Variants in SORCS1 observed in about 807,000 individuals in gnomAD.
The protein encoded by SORCS1 is VPS10 domain-containing receptor SorCS1.
In SORCS1, 60 loss-of-function variants were observed where a neutral mutation model predicts 146.1. That is an observed-to-expected ratio of 0.41 (90% CI 0.33 to 0.51). SORCS1 has a LOEUF of 0.51. Among genes scored for constraint, SORCS1 ranks in the 20% least tolerant of loss-of-function variants. The pLI, the probability that SORCS1 is intolerant of heterozygous loss-of-function variation, is 0.21. For missense variants in SORCS1, 1,352 were observed against 1,487.6 expected (o/e 0.91, Z 1.50); for synonymous variants, 637 against 584.0 (o/e 1.09, Z -1.31).
At chr10:107,000,649 C>T (rs1957180907) in intron 1 of SORCS1, among the ~76,000 whole-genome samples, 2 of 151,220 alleles carry the variant, frequency 1.3e-5, no homozygotes, top group Admixed American at 1.3e-4. Flanking sequence ...ACCTGAATTT[C>T]TGTATGCTTC....
intron 3 of SORCS1, among the ~76,000 whole-genome samples, chr10:106,787,322 T>C (rs547520955): frequency 2.0e-5 from 3 of 152,284 alleles, no homozygotes; most frequent in East Asian, 3.9e-4. Flanking sequence ...ATAAACCTAA[T>C]GATTTTCAGG....
intron 1 of SORCS1, among the ~76,000 whole-genome samples, chr10:107,001,622 C>T (rs1330725553): frequency 2.0e-5 from 3 of 152,174 alleles, no homozygotes; most frequent in African/African-American, 7.2e-5. Context: ...TGCCACCACA[C>T]CCAGCTAATT....
At chr10:107,051,991 G>A (rs1009124477) in intron 1 of SORCS1, among the ~76,000 whole-genome samples, 1 of 152,100 alleles carries the variant, frequency 6.6e-6, no homozygotes, top group Admixed American at 6.6e-5. Flanking sequence ...GAACTGTTTT[G>A]CAAAGTCACC....
intron 3 of SORCS1, among the ~76,000 whole-genome samples, chr10:106,796,273 A>T (rs368447190): frequency 6.6e-6 from 1 of 152,180 alleles, no homozygotes; most frequent in Non-Finnish European, 1.5e-5. Context: ...ATCAAGGTAA[A>T]CCTAGGGTGC....
At chr10:106,600,370 C>T in intron 23 of SORCS1, 2 of 976,626 alleles carry the variant, frequency 2.0e-6, no homozygotes, top group Non-Finnish European at 2.4e-6. Flanking sequence ...CATCAAAGGA[C>T]ATTCAACAAT....
rs143035452 is a variant in SORCS1 at position 106,977,072 on chromosome 10, G to A, written c.559-20492C>T. On this transcript the variant is annotated intron_variant, in intron 1 of 25. Transcript: ENST00000263054. Reference sequence around the variant, plus strand: ...ATATACCCAGTAACAAGATTGCTGGGCCAAATTATTTCTGGTTTCTAGATC... The same window carrying A: ...ATATACCCAGTAACAAGATTGCTGGACCAAATTATTTCTGGTTTCTAGATC... Among the ~76,000 whole-genome samples the A allele has an allele frequency of 7.1e-3, 1,074 of 152,180 alleles. 11 individuals are homozygous for A. The highest frequency in any genetic ancestry group is 0.023 in the African/African-American group (964 of 41,528).
intron 1 of SORCS1, among the ~76,000 whole-genome samples, chr10:107,089,090 C>T (rs1171669243): frequency 6.6e-6 from 1 of 152,150 alleles, no homozygotes; most frequent in Non-Finnish European, 1.5e-5. Flanking sequence ...CAACTGCTAA[C>T]CTCTAAAACA....
intron 1 of SORCS1, among the ~76,000 whole-genome samples, chr10:107,066,160 T>C (rs1442297556): frequency 6.6e-6 from 1 of 152,198 alleles, no homozygotes; most frequent in African/African-American, 2.4e-5. Flanking sequence ...ACCTGACTCC[T>C]TTTCTCATTT....
At chr10:106,732,813 C>A (rs1204990589) in intron 5 of SORCS1, among the ~76,000 whole-genome samples, 2 of 152,050 alleles carry the variant, frequency 1.3e-5, no homozygotes, top group African/African-American at 4.8e-5. Flanking sequence ...CTCCCACTGC[C>A]TTATCAACAA....
intron 25 of SORCS1, chr10:106,577,887 C>A (rs1416483676): frequency 9.2e-6 from 2 of 218,156 alleles, no homozygotes; most frequent in African/African-American, 2.3e-5. Flanking sequence ...GAAAATCGGA[C>A]ACCAGATGTG....
In SORCS1 at chr10:106,579,462, T is replaced by C. The variant is rs1844772155; in HGVS notation, c.3278A>G (p.Asp1093Gly). 1 of 1,613,580 alleles carries C rather than the reference T, an allele frequency of 6.2e-7. No individual in the cohort carries two copies. The highest frequency in any genetic ancestry group is 8.5e-7 in the Non-Finnish European group (1 of 1,179,866). ...AAHLTAAPLV[D>G]LTPTHSGSAM... is the part of the protein sequence containing the mutation. ...AGATCCACTGTGGGTTGGAGTGAGG[T>C]CCACCAGGGGGGCTTGTGGGGGAAA... Residue 1093 changes from aspartate (D) to glycine (G), a missense_variant, in exon 25 of 26, where the codon GAC becomes GGC. Physicochemically the swap from Asp to Gly is moderately conservative, Grantham distance 94. Coordinates refer to ENST00000263054, the MANE Select transcript of SORCS1 (RefSeq NM_052918.5).
intron 2 of SORCS1, among the ~76,000 whole-genome samples, chr10:106,910,689 C>A (rs1045420631): frequency 6.6e-5 from 10 of 152,188 alleles, no homozygotes; most frequent in Non-Finnish European, 1.5e-4. Context: ...AACAAAGATA[C>A]ACATACAATA....
chr10:106,696,757 C>T (rs959660984), intron 9 of SORCS1, among the ~76,000 whole-genome samples: 5 of 152,166 alleles, frequency 3.3e-5, no homozygotes, highest in African/African-American at 1.2e-4. Flanking sequence ...ATGAAAATAG[C>T]TGCAAACAAC....
intron 1 of SORCS1, among the ~76,000 whole-genome samples, chr10:107,097,739 G>C (rs901865292): frequency 2.0e-5 from 3 of 152,170 alleles, no homozygotes; most frequent in African/African-American, 4.8e-5. Context: ...AGAGGTGATA[G>C]CTGCACATCA....
chr10:106,652,288 G>C, intron 18 of SORCS1, 94 bp downstream of exon 18: 2 of 1,354,320 alleles, frequency 1.5e-6, no homozygotes, highest in Non-Finnish European at 2.0e-6. Flanking sequence ...ATCTAAAATG[G>C]AGAAAGTTGA....
intron 2 of SORCS1, among the ~76,000 whole-genome samples, chr10:106,926,880 G>A (rs10786990): frequency 0.22 from 14,430 of 65,584 alleles, 901 homozygotes; most frequent in Non-Finnish European, 0.35. Flanking sequence ...GAGAGAGAGA[G>A]AGAGAGAGAG....
intron 3 of SORCS1, among the ~76,000 whole-genome samples, chr10:106,790,326 CGAT>C (rs1460782535): frequency 6.6e-6 from 1 of 152,168 alleles, no homozygotes; most frequent in African/African-American, 2.4e-5. Flanking sequence ...ATCACTGAGA[CGAT>C]GAGTTATTAC....
chr10:107,171,514 C>CTTTTT, the SORCS1 span, among the ~76,000 whole-genome samples: 113 of 117,250 alleles, frequency 9.6e-4, 4 homozygotes, highest in Non-Finnish European at 1.4e-3. Context: ...GGGAATCCCC[C>CTTTTT]TTTTTTTTTT....
chr10:106,695,793 G>C (rs769177881), intron 9 of SORCS1, among the ~76,000 whole-genome samples: 21 of 152,150 alleles, frequency 1.4e-4, no homozygotes, highest in Non-Finnish European at 2.9e-4. Context: ...CTCTTGAATG[G>C]AGTCCAATTG....
Sources: allele counts gnomAD v4.1 joint callset (sites outside exome capture counted in the v4.1 genomes callset), GRCh38; gene constraint gnomAD v4.1.1; transcripts MANE v1.5; gene names NCBI Gene and HGNC (gene_info 2026-07-23, HGNC 2026-07-21).